Variants in AGBL1 observed in about 807,000 individuals in gnomAD.
The protein encoded by AGBL1 is cytosolic carboxypeptidase 4.
Under a neutral mutation model 118.9 loss-of-function variants are expected in AGBL1, and 130 were observed. That is an observed-to-expected ratio of 1.09 (90% CI 0.95 to 1.26). The LOEUF is 1.26. Among genes scored for constraint, AGBL1 ranks in the 50% most tolerant of loss-of-function variants. AGBL1 has a pLI of 0.00. For synonymous variants in AGBL1, 555 were observed against 478.9 expected, an observed-to-expected ratio of 1.16 and a Z score of -2.08; for missense variants, 1,584 against 1,298.1, an observed-to-expected ratio of 1.22 and a Z score of -3.38.
intron 5 of AGBL1, among the ~76,000 whole-genome samples, chr15:86,164,778 T>C (rs140431294): frequency 6.6e-6 from 1 of 152,118 alleles, no homozygotes; most frequent in Non-Finnish European, 1.5e-5. Context: ...AGAGACCAGG[T>C]CTTGAAGCCC....
chr15:86,691,237 A>G (rs1190629274), intron 22 of AGBL1, among the ~76,000 whole-genome samples: 1 of 152,190 alleles, frequency 6.6e-6, no homozygotes, highest in Non-Finnish European at 1.5e-5. Context: ...CAAGCAAAAC[A>G]CAAGGCTAAT....
At chr15:86,448,581 T>A (rs1258635378) in intron 18 of AGBL1, among the ~76,000 whole-genome samples, 1 of 152,206 alleles carries the variant, frequency 6.6e-6, no homozygotes, top group Non-Finnish European at 1.5e-5. Flanking sequence ...GGAATACTGA[T>A]ATGACAGTTG....
At chr15:86,961,283 T>G (rs531159361) in intron 23 of AGBL1, among the ~76,000 whole-genome samples, 1 of 151,720 alleles carries the variant, frequency 6.6e-6, no homozygotes, top group Non-Finnish European at 1.5e-5. Context: ...CTGTTAGGAG[T>G]ACTTATAAAT....
intron 1 of AGBL1, among the ~76,000 whole-genome samples, chr15:86,113,586 C>T (rs1022391384): frequency 3.3e-5 from 5 of 151,962 alleles, no homozygotes; most frequent in Non-Finnish European, 7.4e-5. Context: ...GCACCCGGCC[C>T]ACCTTTCACC....
chr15:86,607,844 G>A (rs1235531254), intron 21 of AGBL1, among the ~76,000 whole-genome samples: 4 of 152,142 alleles, frequency 2.6e-5, no homozygotes, highest in African/African-American at 9.7e-5. Flanking sequence ...AGGAACAACT[G>A]TTATGCAAAT....
At chr15:86,487,279 T>C (rs2082725403) in intron 18 of AGBL1, among the ~76,000 whole-genome samples, 2 of 152,018 alleles carry the variant, frequency 1.3e-5, no homozygotes, top group African/African-American at 2.4e-5. Context: ...CTATTGTAAC[T>C]CTTTGCTTGA....
At chr15:86,830,400 G>C (rs2079087984) in intron 22 of AGBL1, among the ~76,000 whole-genome samples, 1 of 152,020 alleles carries the variant, frequency 6.6e-6, no homozygotes. Flanking sequence ...AAAGCATTCA[G>C]ATCTCTGTCT....
intron 22 of AGBL1, among the ~76,000 whole-genome samples, chr15:86,839,025 C>A (rs1330774288): frequency 1.3e-5 from 2 of 148,564 alleles, no homozygotes; most frequent in Admixed American, 6.7e-5. Context: ...TCAGCACGTT[C>A]TCTTCTTCCA....
intron 7 of AGBL1, 79 bp from the exon 8 acceptor site, chr15:86,256,774 G>A: frequency 6.9e-7 from 1 of 1,444,464 alleles, no homozygotes; most frequent in Middle Eastern, 1.9e-4. Flanking sequence ...GTTACAGCTT[G>A]GAGAGTGTTA....
chr15:86,161,309 G>A (rs1337751046), intron 5 of AGBL1, among the ~76,000 whole-genome samples: 1 of 152,178 alleles, frequency 6.6e-6, no homozygotes, highest in Non-Finnish European at 1.5e-5. Context: ...GTGTTTATGA[G>A]GTGCCCTGCA....
At chr15:86,759,755 A>G (rs777850271) in intron 22 of AGBL1, among the ~76,000 whole-genome samples, 12 of 152,156 alleles carry the variant, frequency 7.9e-5, no homozygotes, top group Non-Finnish European at 1.5e-4. Flanking sequence ...GAAAGAAAAC[A>G]AGATGATGAC....
intron 18 of AGBL1, among the ~76,000 whole-genome samples, chr15:86,474,489 G>A (rs928641934): frequency 6.6e-5 from 10 of 152,224 alleles, no homozygotes; most frequent in Non-Finnish European, 2.9e-5. Flanking sequence ...CAGCACAGCA[G>A]TCTGAGATCG....
At chr15:86,292,723 T>A (rs2079566871) in intron 16 of AGBL1, among the ~76,000 whole-genome samples, 1 of 152,082 alleles carries the variant, frequency 6.6e-6, no homozygotes, top group Non-Finnish European at 1.5e-5. Context: ...TGGTTTAAGA[T>A]TGGTGGACAC....
At chr15:86,336,850 C>G (rs1239490338) in intron 17 of AGBL1, among the ~76,000 whole-genome samples, 1 of 152,190 alleles carries the variant, frequency 6.6e-6, no homozygotes, top group African/African-American at 2.4e-5. Context: ...TAGAGGCAAG[C>G]TCCTATGATG....
chr15:86,797,796 A>G (rs1282907497), intron 22 of AGBL1, among the ~76,000 whole-genome samples: 2 of 152,180 alleles, frequency 1.3e-5, no homozygotes, highest in Non-Finnish European at 2.9e-5. Context: ...ACTTGGAAGA[A>G]CCTGCAAAGG....
chr15:86,730,230 G>A (rs1476535717), intron 22 of AGBL1, among the ~76,000 whole-genome samples: 1 of 152,052 alleles, frequency 6.6e-6, no homozygotes, highest in African/African-American at 2.4e-5. Flanking sequence ...GTCTTCAAAA[G>A]CAATTGCAAC....
intron 22 of AGBL1, among the ~76,000 whole-genome samples, chr15:86,885,269 A>G (rs1459976954): frequency 6.6e-6 from 1 of 152,192 alleles, no homozygotes; most frequent in Admixed American, 6.5e-5. Flanking sequence ...TATGTGGCAT[A>G]TAGTAATGAA....
chr15:86,937,954 C>T lies in AGBL1; in HGVS notation c.3222-50033C>T, dbSNP rs1409447347. On this transcript the variant is annotated intron_variant, in intron 23 of 24. Coordinates refer to the AGBL1 transcript ENST00000441037. ...AATTGCAAGAGGTGAGACCATACAG[C>T]TAAGGGAAGCAGAGTAAGGTCTGAT... Among the ~76,000 whole-genome samples, 6 of 152,250 alleles carry T rather than the reference C, an allele frequency of 3.9e-5. No homozygotes were observed. The South Asian group carries it at 1.2e-3, about 32-fold the overall frequency.
At chr15:86,243,834 C>A (rs1471089388) in intron 6 of AGBL1, among the ~76,000 whole-genome samples, 1 of 151,968 alleles carries the variant, frequency 6.6e-6, no homozygotes, top group Non-Finnish European at 1.5e-5. Context: ...CATGGTGAAA[C>A]CCCGTCTCTA....
Sources: gnomAD v4.1 joint callset for allele counts (sites outside exome capture counted in the v4.1 genomes callset) on GRCh38, gnomAD v4.1.1 for gene constraint, MANE v1.5 for transcripts, NCBI Gene and HGNC (gene_info 2026-07-23, HGNC 2026-07-21) for gene names.